Variants in COG5 observed in about 807,000 individuals in gnomAD.
The protein encoded by COG5 is conserved oligomeric Golgi complex subunit 5.
In COG5, 86 loss-of-function variants were observed where a neutral mutation model predicts 110.4. That is an observed-to-expected ratio of 0.78 (90% CI 0.65 to 0.93). COG5 has a LOEUF of 0.93. Ranked by LOEUF, COG5 falls within the 40% of genes least tolerant of loss-of-function variation. The pLI, the probability that COG5 is intolerant of heterozygous loss-of-function variation, is 0.00. For synonymous variants in COG5, 360 were observed against 334.6 expected (o/e 1.08, Z -0.83); for missense variants, 1,077 against 987.0 (o/e 1.09, Z -1.22).
chr7:107,221,004 T>C (rs1209663000), intron 19 of COG5, among the ~76,000 whole-genome samples: 1 of 151,594 alleles, frequency 6.6e-6, no homozygotes, highest in African/African-American at 2.4e-5. Context: ...TTAGTAGAGA[T>C]GGGGGTTTCA....
intron 6 of COG5, among the ~76,000 whole-genome samples, chr7:107,511,161 GAAGAA>G (rs1181015089): frequency 6.6e-6 from 1 of 151,262 alleles, no homozygotes; most frequent in Non-Finnish European, 1.5e-5. Flanking sequence ...GACTAATAAA[GAAGAA>G]AAGAGAGAAG....
In COG5 at chr7:107,536,663, A is replaced by G. The variant is rs562509593; in HGVS notation, c.418-9306T>C. ...CCATGCTCATGGATAGGAAGAATCA[A>G]TATCATGAAAATGGCCATTCTGCCC... On this transcript the variant is annotated intron_variant, in intron 5 of 21. Transcript: ENST00000297135. 1.2e-3 allele frequency among the ~76,000 whole-genome samples: 184 copies of G among 152,352 alleles called. 2 individuals are homozygous for G. Among genetic ancestry groups the G allele is most frequent in the African/African-American group, 4.2e-3 (175 of 41,590 alleles).
chr7:107,270,886 T>C (rs1274164327), intron 14 of COG5, among the ~76,000 whole-genome samples: 1 of 127,138 alleles, frequency 7.9e-6, no homozygotes, highest in African/African-American at 3.0e-5. Context: ...CTAGAACTTT[T>C]TTTTTTTTTT....
chr7:107,318,547 A>C (rs1808967716), intron 11 of COG5, among the ~76,000 whole-genome samples: 2 of 152,172 alleles, frequency 1.3e-5, no homozygotes, highest in African/African-American at 2.4e-5. Context: ...TTTTTGGCTT[A>C]AACAGCAAAA....
intron 6 of COG5, among the ~76,000 whole-genome samples, chr7:107,476,208 G>A (rs1156830442): frequency 0.1 from 6,504 of 64,684 alleles, 8 homozygotes; most frequent in African/African-American, 0.13. Flanking sequence ...AAAAAAAAAA[G>A]AACAGTACAT....
chr7:107,218,057 C>T (rs1562917112), intron 19 of COG5, among the ~76,000 whole-genome samples: 1 of 151,886 alleles, frequency 6.6e-6, no homozygotes, highest in Non-Finnish European at 1.5e-5. Context: ...AATGAATGAT[C>T]TGAAAAGGAA....
chr7:107,360,984 G>A (rs1813063996), intron 10 of COG5, among the ~76,000 whole-genome samples: 1 of 152,152 alleles, frequency 6.6e-6, no homozygotes, highest in Admixed American at 6.5e-5. Context: ...CTGTGACGCT[G>A]GGTCCTATCC....
chr7:107,260,949 G>T (rs80095766), intron 14 of COG5, among the ~76,000 whole-genome samples: 29,567 of 149,920 alleles, frequency 0.2, 2,996 homozygotes, highest in Non-Finnish European at 0.22. Context: ...TAGTTTTTTT[G>T]TTTGTTTGTT....
chr7:107,318,647 C>T (rs992359275), intron 11 of COG5, among the ~76,000 whole-genome samples: 6 of 152,146 alleles, frequency 3.9e-5, no homozygotes, highest in Non-Finnish European at 5.9e-5. Flanking sequence ...TGCTGATGGC[C>T]TCCCTCTTGC....
At chr7:107,521,855 T>TA (rs1800341280) in intron 6 of COG5, among the ~76,000 whole-genome samples, 2 of 152,246 alleles carry the variant, frequency 1.3e-5, no homozygotes, top group South Asian at 4.2e-4. Context: ...CAGCACTACT[T>TA]ACAGTAGCAA....
intron 5 of COG5, among the ~76,000 whole-genome samples, chr7:107,532,213 T>C (rs1313520307): frequency 6.6e-6 from 1 of 152,122 alleles, no homozygotes; most frequent in Non-Finnish European, 1.5e-5. Flanking sequence ...TCTGCCACCA[T>C]GCCTGACTAA....
rs1375938178 is a variant in COG5 at position 107,202,835 on chromosome 7, GA to G, written c.*680del. 6.6e-6 allele frequency: 1 copy of G among 152,172 alleles called. No individual in the cohort carries two copies. Among genetic ancestry groups the G allele is most frequent in the African/African-American group, 2.4e-5 (1 of 41,382 alleles). The allele number at this position is 152,172 out of a possible 1,614,324, so 9.4% of individuals were successfully genotyped here. A position where few individuals can be genotyped will look rare whatever the true frequency, so the allele number is the denominator to read the frequency against. On this transcript the variant is annotated 3_prime_UTR_variant, in exon 22 of 22. Coordinates refer to ENST00000297135, the MANE Select transcript of COG5 (RefSeq NM_006348.5). ...CCCAAAGGTCTGCTTTTAATAACAT[GA>G]CAAAGTGTAACAAAAGCCTTGCTTT...
At chr7:107,434,789 T>C (rs771505239) in intron 6 of COG5, among the ~76,000 whole-genome samples, 32 of 152,102 alleles carry the variant, frequency 2.1e-4, no homozygotes, top group Non-Finnish European at 3.7e-4. Flanking sequence ...GCTAACACAG[T>C]GAAACCCTGT....
chr7:107,348,283 T>C (rs1811816632), intron 10 of COG5, among the ~76,000 whole-genome samples: 1 of 152,068 alleles, frequency 6.6e-6, no homozygotes, highest in Non-Finnish European at 1.5e-5. Context: ...TTTTCCTTTC[T>C]TGTAACCCTA....
intron 6 of COG5, among the ~76,000 whole-genome samples, chr7:107,462,760 A>G (rs1796075795): frequency 6.6e-6 from 1 of 152,214 alleles, no homozygotes; most frequent in Non-Finnish European, 1.5e-5. Context: ...ATTTATTACC[A>G]TATCTGATAC....
intron 19 of COG5, among the ~76,000 whole-genome samples, chr7:107,219,816 T>C (rs569064564): frequency 7.9e-5 from 12 of 152,366 alleles, no homozygotes; most frequent in Admixed American, 2.0e-4. Flanking sequence ...AAATTGCTAA[T>C]AGAATAAATT....
rs1174761995 is a variant in COG5, at chr7:107,269,105, C to T, written c.1576-10722G>A. Among the ~76,000 whole-genome samples the T allele has an allele frequency of 2.0e-5, 3 of 151,788 alleles. No individual in the cohort carries two copies. In the East Asian group the frequency reaches 5.8e-4, roughly 29 times the overall value. ...CTCAACTGATAGTTTCCTTTTTTACCCTTTTCCATTAACTTAATTCTAAGT... is the reference window on the plus strand; with the variant it reads ...CTCAACTGATAGTTTCCTTTTTTACTCTTTTCCATTAACTTAATTCTAAGT... On this transcript the variant is annotated intron_variant, in intron 14 of 21. Coordinates refer to ENST00000297135, the MANE Select transcript of COG5 (RefSeq NM_006348.5).
At chr7:107,352,499 A>G (rs1406320368) in intron 10 of COG5, among the ~76,000 whole-genome samples, 2 of 151,534 alleles carry the variant, frequency 1.3e-5, no homozygotes, top group African/African-American at 4.8e-5. Context: ...TTTGCAAGGT[A>G]ATTGTAAAAA....
chr7:107,509,416 G>C (rs567579645), intron 6 of COG5, among the ~76,000 whole-genome samples: 1 of 152,198 alleles, frequency 6.6e-6, no homozygotes, highest in Non-Finnish European at 1.5e-5. Flanking sequence ...CCAAGTCTAC[G>C]TCTGATTGGT....
Sources: gnomAD v4.1 joint callset for allele counts (sites outside exome capture counted in the v4.1 genomes callset) on GRCh38, gnomAD v4.1.1 for gene constraint, MANE v1.5 for transcripts, NCBI Gene and HGNC (gene_info 2026-07-23, HGNC 2026-07-21) for gene names.